Variants in LDHAL6A observed in about 807,000 individuals in gnomAD.
The protein encoded by LDHAL6A is lactate dehydrogenase A like 6A, also known as L-lactate dehydrogenase A-like 6A.
In LDHAL6A, 19 loss-of-function variants were observed where a neutral mutation model predicts 28.2. The observed-to-expected ratio is 0.67, with a 90% CI of 0.47 to 0.99. The LOEUF is 0.99. LDHAL6A is among the 50% of genes least tolerant of loss of function. The pLI is 0.00. For missense variants in LDHAL6A, 372 were observed against 398.6 expected (o/e 0.93, Z 0.57); for synonymous variants, 144 against 134.4 (o/e 1.07, Z -0.49).
At chr11:18,475,775 T>C (rs1232139208) in intron 4 of LDHAL6A, 136 bp downstream of exon 4, 7 of 593,062 alleles carry the variant, frequency 1.2e-5, no homozygotes, top group South Asian at 3.9e-5. Context: ...GTTTAATTTT[T>C]ACCACACTTA....
chr11:18,468,651 T>C (rs1849183996), intron 3 of LDHAL6A: 1 of 152,336 alleles, frequency 6.6e-6, no homozygotes. Flanking sequence ...GGATGTATAA[T>C]GTTTTTCTAT....
chr11:18,458,567 T>C (rs919135035), intron 1 of LDHAL6A, among the ~76,000 whole-genome samples: 5 of 152,178 alleles, frequency 3.3e-5, no homozygotes, highest in Non-Finnish European at 7.4e-5. Context: ...CTTTAATCTT[T>C]CCCTGTCCTG....
intron 3 of LDHAL6A, among the ~76,000 whole-genome samples, chr11:18,471,070 T>G (rs529221883): frequency 1.4e-4 from 21 of 152,328 alleles, no homozygotes; most frequent in Middle Eastern, 6.8e-3. Flanking sequence ...TATTTTATTA[T>G]GCTGATATGA....
At chr11:18,472,730 A>G (rs1849282005) in intron 3 of LDHAL6A, among the ~76,000 whole-genome samples, 2 of 152,360 alleles carry the variant, frequency 1.3e-5, no homozygotes, top group Middle Eastern at 3.4e-3. Context: ...CAAATGCCTA[A>G]AATACTATTC....
intron 3 of LDHAL6A, among the ~76,000 whole-genome samples, chr11:18,469,939 A>ATTT (rs1452257248): frequency 6.6e-6 from 1 of 151,884 alleles, no homozygotes; most frequent in Non-Finnish European, 1.5e-5. Context: ...AATTTTATTT[A>ATTT]TTTTTTTGAG....
chr11:18,477,508 G>A (rs1301227300), intron 5 of LDHAL6A, 112 bp from the exon 6 acceptor site: 2 of 909,610 alleles, frequency 2.2e-6, no homozygotes, highest in Non-Finnish European at 1.6e-6. Context: ...ATTTCTAGAA[G>A]TTGTTGATGG....
chr11:18,456,730 C>T lies in LDHAL6A; in HGVS notation c.50C>T (p.Ala17Val). The change falls in exon 1 of 7, where the codon GCC becomes GTC. Residue 17 changes from alanine to valine, a missense_variant. Ala to Val is a moderately conservative substitution (Grantham distance 64). Around this residue, in one of 3 missense-constraint regions of LDHAL6A, gnomAD observed 77 missense variants for 77.9 expected, o/e 0.99. Coordinates refer to ENST00000280706, the MANE Select transcript of LDHAL6A (RefSeq NM_144972.5). ...ATTAAGAATTTCGCGGAAGAGGAGG[C>T]CATTCATCACAATAAGATCTCCATT... ...ELIKNFAEEE[A>V]IHHNKISIVG... The T allele has an allele frequency of 6.2e-7, 1 of 1,613,428 alleles. No homozygotes were observed. The highest frequency in any genetic ancestry group is 8.5e-7 in the Non-Finnish European group (1 of 1,179,436).
intron 3 of LDHAL6A, chr11:18,469,129 C>A: frequency 1.8e-6 from 1 of 552,398 alleles, no homozygotes. Flanking sequence ...GAAAGGAGAG[C>A]TGTGGAGAGA....
intron 3 of LDHAL6A, among the ~76,000 whole-genome samples, chr11:18,472,389 A>G (rs1414743886): frequency 6.6e-6 from 1 of 152,248 alleles, no homozygotes; most frequent in Non-Finnish European, 1.5e-5. Flanking sequence ...ATCAATGGAT[A>G]TTAAACAGGG....
At chr11:18,467,880 C>CACATATATATAT (rs1185900320) in intron 3 of LDHAL6A, among the ~76,000 whole-genome samples, 3 of 44,412 alleles carry the variant, frequency 6.8e-5, no homozygotes, top group Admixed American at 3.2e-4. Context: ...TATATACACA[C>CACATATATATAT]ATATATATAT....
intron 1 of LDHAL6A, 103 bp downstream of exon 1, chr11:18,456,909 C>A: frequency 8.1e-7 from 1 of 1,232,710 alleles, no homozygotes; most frequent in Non-Finnish European, 1.1e-6. Context: ...GAGTGGGGAG[C>A]CAGTGTGAGG....
chr11:18,471,063 TTTA>T (rs1351023641), intron 3 of LDHAL6A, among the ~76,000 whole-genome samples: 2 of 152,200 alleles, frequency 1.3e-5, no homozygotes, highest in Admixed American at 6.5e-5. Flanking sequence ...TATATGATAT[TTTA>T]TTATGCTGAT....
chr11:18,466,242 A>C (rs2056780), intron 3 of LDHAL6A, among the ~76,000 whole-genome samples: 5,673 of 151,978 alleles, frequency 0.037, 334 homozygotes, highest in African/African-American at 0.13. Context: ...GGAGAAAAAG[A>C]ATTTAATGAA....
intron 2 of LDHAL6A, 97 bp from the exon 3 acceptor site, chr11:18,465,540 T>C: frequency 2.1e-6 from 2 of 971,380 alleles, no homozygotes; most frequent in Non-Finnish European, 3.0e-6. Flanking sequence ...ACCCACTCTT[T>C]GGTAAACATA....
intron 1 of LDHAL6A, among the ~76,000 whole-genome samples, chr11:18,460,622 C>T (rs1334846321): frequency 6.7e-6 from 1 of 149,338 alleles, no homozygotes; most frequent in Non-Finnish European, 1.5e-5. Context: ...ATGCCAGGTG[C>T]GGTGGTACAT....
chr11:18,472,986 A>C (rs555545606), intron 3 of LDHAL6A, among the ~76,000 whole-genome samples: 3 of 152,298 alleles, frequency 2.0e-5, no homozygotes, highest in Admixed American at 2.0e-4. Flanking sequence ...CTATTTTGAA[A>C]CTGCAGAAAT....
intron 1 of LDHAL6A, among the ~76,000 whole-genome samples, chr11:18,462,357 G>T (rs1368399978): frequency 1.3e-5 from 2 of 151,910 alleles, no homozygotes; most frequent in African/African-American, 4.8e-5. Context: ...AAAAAAATTG[G>T]CCGGGTGCGG....
In LDHAL6A at chr11:18,456,826, C is replaced by T. The variant is rs775450032; in HGVS notation, c.126+20C>T. ...TTAAAAGTAAGTTGTGTGCTCTGCA[C>T]CACAGGGTTCACCTCAGTTGGAGGC... On this transcript the variant is annotated intron_variant, in intron 1 of 6. Coordinates refer to ENST00000280706, the MANE Select transcript of LDHAL6A (RefSeq NM_144972.5). 6.2e-7 allele frequency: 1 copy of T among 1,606,094 alleles called. No individual in the cohort carries two copies. The highest frequency in any genetic ancestry group is 1.3e-5 in the African/African-American group (1 of 74,490).
chr11:18,474,462 C>A (rs527402260), intron 3 of LDHAL6A, among the ~76,000 whole-genome samples: 6 of 152,058 alleles, frequency 3.9e-5, no homozygotes, highest in Non-Finnish European at 8.8e-5. Flanking sequence ...TCTCGGCTCA[C>A]TGCAACCTCC....
Sources: allele counts gnomAD v4.1 joint callset (sites outside exome capture counted in the v4.1 genomes callset), GRCh38; gene constraint gnomAD v4.1.1; regional missense constraint gnomAD v4.1.1; transcripts MANE v1.5; gene names NCBI Gene and HGNC (gene_info 2026-07-23, HGNC 2026-07-21).